The following CACNA2D1 variants were observed in gnomAD, a reference collection of about 807,000 sequenced individuals.
CACNA2D1 encodes calcium voltage-gated channel auxiliary subunit alpha2delta 1, also known as voltage-dependent calcium channel subunit alpha-2/delta-1.
In CACNA2D1, 53 loss-of-function variants were observed where a neutral mutation model predicts 171.5. The observed-to-expected ratio is 0.31, with a 90% CI of 0.25 to 0.39. The LOEUF is 0.39. Among genes scored for constraint, CACNA2D1 ranks in the 10% least tolerant of loss-of-function variants. The pLI is 1.00. For synonymous variants in CACNA2D1, 442 were observed against 443.1 expected (o/e 1.00, Z 0.03); for missense variants, 903 against 1,299.8 (o/e 0.69, Z 4.69).
chr7:81,992,415 C>T (rs911477027), intron 20 of CACNA2D1, among the ~76,000 whole-genome samples: 3 of 151,582 alleles, frequency 2.0e-5, no homozygotes, highest in Non-Finnish European at 2.9e-5. Context: ...TGAATGTGTG[C>T]GTGTTTGTGT....
intron 3 of CACNA2D1, among the ~76,000 whole-genome samples, chr7:82,271,258 T>C (rs1808596489): frequency 6.6e-6 from 1 of 152,114 alleles, no homozygotes; most frequent in Admixed American, 6.6e-5. Flanking sequence ...CTCTAGAAAC[T>C]AGATCCCCTC....
rs1213797878 is a variant in CACNA2D1 at position 81,947,589 on chromosome 7, ACT to A, written c.*2801_*2802del. On this transcript the variant is annotated 3_prime_UTR_variant, in exon 39 of 39. Transcript: ENST00000356860. ...CAACACCATTGCCAAGCTCACTTGA[ACT>A]CTGTTTTAGTGACTAACTACACTAA... The A allele has an allele frequency of 1.3e-5, 2 of 151,948 alleles. No homozygotes were observed. The highest frequency in any genetic ancestry group is 2.9e-5 in the Non-Finnish European group (2 of 67,882). 9.4% of individuals were successfully genotyped at this position (151,948 alleles called of 1,614,324 possible). A position where few individuals can be genotyped will look rare whatever the true frequency, so the allele number is the denominator to read the frequency against.
At chr7:82,003,736 T>C (rs1445298252) in intron 18 of CACNA2D1, among the ~76,000 whole-genome samples, 1 of 150,858 alleles carries the variant, frequency 6.6e-6, no homozygotes, top group Non-Finnish European at 1.5e-5. Flanking sequence ...ACACCCTTCA[T>C]CACATTACTT....
At position 82,442,937 on chromosome 7, in the gene CACNA2D1, C is replaced by T. The variant is rs6967936; in HGVS notation, c.95+428G>A. Among the ~76,000 whole-genome samples, 1,331 of 152,344 alleles carry T rather than the reference C, an allele frequency of 8.7e-3. 16 individuals carry two copies. Among genetic ancestry groups the T allele is most frequent in the African/African-American group, 0.03 (1,253 of 41,582 alleles). ...CCAAGTGCGGGGGAAGTCCACGCTA[C>T]CTCGGCAAGCCTGAAATTACCTGTT... On this transcript the variant is annotated intron_variant, in intron 1 of 38. Transcript: ENST00000356860.
intron 5 of CACNA2D1, among the ~76,000 whole-genome samples, chr7:82,125,025 T>C (rs569373231): frequency 5.3e-5 from 8 of 152,346 alleles, no homozygotes; most frequent in African/African-American, 1.4e-4. Flanking sequence ...AAGTAAAATA[T>C]AATCATTAAA....
At chr7:81,965,479 G>A in intron 32 of CACNA2D1, 115 bp downstream of exon 32, 3 of 738,620 alleles carry the variant, frequency 4.1e-6, no homozygotes, top group East Asian at 2.5e-5. Context: ...ACAAATTATT[G>A]TATGACAGAA....
At chr7:82,357,544 C>T (rs1820566422) in intron 1 of CACNA2D1, among the ~76,000 whole-genome samples, 1 of 151,834 alleles carries the variant, frequency 6.6e-6, no homozygotes, top group African/African-American at 2.4e-5. Context: ...TGGATAAGTC[C>T]TCTGGAAAAA....
chr7:81,976,453 T>C (rs1459131144), intron 24 of CACNA2D1, among the ~76,000 whole-genome samples: 1 of 152,222 alleles, frequency 6.6e-6, no homozygotes, highest in Non-Finnish European at 1.5e-5. Flanking sequence ...GAAGAGGTCC[T>C]TCACACACAT....
chr7:82,100,277 TCCAAGGGTATGCC>T (rs1812516661), intron 6 of CACNA2D1, among the ~76,000 whole-genome samples: 1 of 152,188 alleles, frequency 6.6e-6, no homozygotes, highest in Non-Finnish European at 1.5e-5. Flanking sequence ...TTTTCTTGAT[TCCAAGGGTATGCC>T]CTGTGATCTT....
intron 3 of CACNA2D1, among the ~76,000 whole-genome samples, chr7:82,209,648 T>C (rs2129222659): frequency 6.6e-6 from 1 of 152,310 alleles, no homozygotes. Context: ...AATGAGCTTG[T>C]TTTTGTATAT....
chr7:82,236,592 T>A (rs1803616848), intron 3 of CACNA2D1, among the ~76,000 whole-genome samples: 1 of 152,074 alleles, frequency 6.6e-6, no homozygotes, highest in South Asian at 2.1e-4. Context: ...TAGTCAAATG[T>A]ATATCAGAAA....
At chr7:82,290,787 G>A (rs1418670994) in intron 3 of CACNA2D1, among the ~76,000 whole-genome samples, 35 of 151,468 alleles carry the variant, frequency 2.3e-4, no homozygotes, top group African/African-American at 7.0e-4. Flanking sequence ...GTAGAGATGG[G>A]GTTTCTCCAT....
intron 21 of CACNA2D1, among the ~76,000 whole-genome samples, chr7:81,990,337 T>C (rs1797416212): frequency 6.6e-6 from 1 of 152,182 alleles, no homozygotes; most frequent in African/African-American, 2.4e-5. Flanking sequence ...CTTTTAAAGT[T>C]TATTTTATTA....
At chr7:82,013,131 AC>A (rs1800004673) in intron 14 of CACNA2D1, among the ~76,000 whole-genome samples, 1 of 151,990 alleles carries the variant, frequency 6.6e-6, no homozygotes, top group Admixed American at 6.6e-5. Context: ...ATTTGAAGAA[AC>A]TTTTAAAAAT....
intron 5 of CACNA2D1, among the ~76,000 whole-genome samples, chr7:82,123,440 G>A (rs1789975249): frequency 6.6e-6 from 1 of 152,122 alleles, no homozygotes; most frequent in African/African-American, 2.4e-5. Flanking sequence ...AAAATTAGTT[G>A]GATGAAATAT....
At chr7:82,021,224 T>C (rs559473408) in intron 12 of CACNA2D1, 1 of 152,150 alleles carries the variant, frequency 6.6e-6, no homozygotes, top group Non-Finnish European at 1.5e-5. Context: ...ATAAGCTGTA[T>C]GGTGATTTAT....
At chr7:82,402,800 G>A (rs956540863) in intron 1 of CACNA2D1, among the ~76,000 whole-genome samples, 3 of 150,280 alleles carry the variant, frequency 2.0e-5, no homozygotes, top group African/African-American at 4.9e-5. Flanking sequence ...TCAACTGAAT[G>A]TTTTAAAATA....
chr7:82,131,027 C>T (rs1172331817), intron 5 of CACNA2D1, among the ~76,000 whole-genome samples: 2 of 152,176 alleles, frequency 1.3e-5, no homozygotes, highest in African/African-American at 2.4e-5. Context: ...TGGTCTCGAT[C>T]TCTTGACCTC....
intron 1 of CACNA2D1, among the ~76,000 whole-genome samples, chr7:82,413,291 A>G (rs181334652): frequency 9.4e-4 from 143 of 152,332 alleles, no homozygotes; most frequent in Admixed American, 9.1e-3. Flanking sequence ...CATTTACCCA[A>G]GGAAAATGGG....
Sources: allele counts gnomAD v4.1 joint callset (sites outside exome capture counted in the v4.1 genomes callset), GRCh38; gene constraint gnomAD v4.1.1; transcripts MANE v1.5; gene names NCBI Gene and HGNC (gene_info 2026-07-23, HGNC 2026-07-21).